Variants in RXRG observed in about 807,000 individuals in gnomAD.
The protein encoded by RXRG is retinoid X receptor gamma, also known as retinoic acid receptor RXR-gamma.
A neutral mutation model predicts 49.2 loss-of-function variants in RXRG; 19 were observed. The ratio of observed to expected loss-of-function variants is 0.39; its 90% CI spans 0.27 to 0.57. RXRG has a LOEUF of 0.57. Among genes scored for constraint, RXRG ranks in the 20% least tolerant of loss-of-function variants. The pLI, the probability that RXRG is intolerant of heterozygous loss-of-function variation, is 0.64. For missense variants in RXRG, 452 were observed against 592.5 expected (o/e 0.76, Z 2.46); for synonymous variants, 224 against 216.6 (o/e 1.03, Z -0.30).
rs2101723544 is a variant in RXRG at position 165,420,015 on chromosome 1, C to A, written c.298-1G>T. The A allele has an allele frequency of 6.3e-7, 1 of 1,590,678 alleles. No homozygotes were observed. The highest frequency in any genetic ancestry group is 8.6e-7 in the Non-Finnish European group (1 of 1,167,208). On this transcript the variant is annotated splice_acceptor_variant, in intron 2 of 9. Transcript: ENST00000359842. LOFTEE classifies it high-confidence loss of function. ...TGCTGACACTGTTGACCACATTTAG[C>A]TGCAAGAGAAAAAAATACTGTAAAG...
At chr1:165,410,335 C>A (rs746332) in intron 6 of RXRG, among the ~76,000 whole-genome samples, 37,056 of 152,086 alleles carry the variant, frequency 0.24, 6,456 homozygotes, top group African/African-American at 0.5. Context: ...CAGTGGAACC[C>A]GTCTAGTACA....
intron 3 of RXRG, 90 bp downstream of exon 3, chr1:165,419,780 T>C: frequency 8.2e-7 from 1 of 1,217,808 alleles, no homozygotes; most frequent in Non-Finnish European, 1.1e-6. Context: ...AAGGGCCATT[T>C]TCCTTTCATT....
At chr1:165,412,216 G>A (rs1213569243) in intron 4 of RXRG, among the ~76,000 whole-genome samples, 1 of 152,178 alleles carries the variant, frequency 6.6e-6, no homozygotes, top group Non-Finnish European at 1.5e-5. Context: ...GTCTCTCAAG[G>A]TAGGTCAGAG....
chr1:165,417,787 T>C (rs1658173098), intron 3 of RXRG, among the ~76,000 whole-genome samples: 1 of 152,156 alleles, frequency 6.6e-6, no homozygotes, highest in African/African-American at 2.4e-5. Context: ...ACAATCAAGC[T>C]ATGACATAAA....
intron 1 of RXRG, among the ~76,000 whole-genome samples, chr1:165,441,526 C>T (rs1571292875): frequency 6.6e-6 from 1 of 152,224 alleles, no homozygotes; most frequent in African/African-American, 2.4e-5. Flanking sequence ...TCCTCTGTTT[C>T]TTTGTCTCTA....
At position 165,409,587 on chromosome 1, in the gene RXRG, G is replaced by A. The variant is rs149401256; in HGVS notation, c.1017C>T (p.His339=). ...CAAAGATGGAGCCGACCCCAGCACTGTGGGCACTGCTCCGGTGGACATGTA... is the reference window on the plus strand; with the variant it reads ...CAAAGATGGAGCCGACCCCAGCACTATGGGCACTGCTCCGGTGGACATGTA... ...TGLHVHRSSA[H]SAGVGSIFDR... The change falls in exon 7 of 10, where the codon CAC becomes CAT. Residue 339 remains histidine, a synonymous_variant. Coordinates refer to ENST00000359842, the MANE Select transcript of RXRG (RefSeq NM_006917.5). 4.0e-5 allele frequency: 62 copies of A among 1,555,286 alleles called. No individual in the cohort carries two copies. The African/African-American group carries it at 7.2e-4, about 18-fold the overall frequency.
chr1:165,406,182 A>ATGGCCTCAGAGATCTGCTAGG (rs1657742854), intron 9 of RXRG, among the ~76,000 whole-genome samples: 1 of 80,216 alleles, frequency 1.2e-5, no homozygotes. Flanking sequence ...ATACTGCTAG[A>ATGGCCTCAGAGATCTGCTAGG]TGGCCTCAGA....
intron 9 of RXRG, among the ~76,000 whole-genome samples, chr1:165,404,471 A>G (rs1448963769): frequency 2.6e-5 from 4 of 152,256 alleles, no homozygotes; most frequent in Non-Finnish European, 5.9e-5. Flanking sequence ...TGTCAATCAC[A>G]GGGCGATGAC....
intron 1 of RXRG, among the ~76,000 whole-genome samples, chr1:165,430,982 T>C (rs1483182044): frequency 2.6e-5 from 4 of 152,214 alleles, no homozygotes; most frequent in Admixed American, 2.0e-4. Flanking sequence ...CTTTTTTTAT[T>C]TCCTAAAACT....
intron 1 of RXRG, among the ~76,000 whole-genome samples, chr1:165,431,731 A>G (rs978554536): frequency 3.3e-5 from 5 of 152,202 alleles, no homozygotes; most frequent in African/African-American, 1.2e-4. Flanking sequence ...GGGCACAGGC[A>G]AGAGCAAGAG....
At chr1:165,423,345 C>T (rs937027020) in intron 2 of RXRG, among the ~76,000 whole-genome samples, 1 of 152,218 alleles carries the variant, frequency 6.6e-6, no homozygotes, top group Non-Finnish European at 1.5e-5. Flanking sequence ...CAGCTGCTCC[C>T]TGAGAACAGG....
intron 1 of RXRG, among the ~76,000 whole-genome samples, chr1:165,441,701 AC>A (rs1464035936): frequency 2.0e-5 from 3 of 152,042 alleles, no homozygotes; most frequent in Admixed American, 2.0e-4. Context: ...TCTCCTTCTC[AC>A]CCTGAGGATT....
At position 165,428,855 on chromosome 1, in the gene RXRG, C is replaced by T. The variant is rs370579158; in HGVS notation, c.161G>A (p.Arg54Gln). The T allele has an allele frequency of 1.4e-5, 23 of 1,614,082 alleles. No homozygotes were observed. The highest frequency in any genetic ancestry group is 5.3e-5 in the African/African-American group (4 of 75,018). ...GGGGGTCCCCACTGCACTCAGAGTCCGTGGGGCACTCACTGGGGTATCTGT... is the reference window on the plus strand; with the variant it reads ...GGGGGTCCCCACTGCACTCAGAGTCTGTGGGGCACTCACTGGGGTATCTGT... The part of the protein sequence containing the change: ...SYTDTPVSAP[R>Q]TLSAVGTPLN... Residue 54 changes from arginine to glutamine, a missense_variant, in exon 2 of 10, where the codon CGG becomes CAG. Transcript: ENST00000359842.
chr1:165,413,216 G>C (rs950993052), intron 4 of RXRG, among the ~76,000 whole-genome samples: 1 of 152,102 alleles, frequency 6.6e-6, no homozygotes, highest in African/African-American at 2.4e-5. Context: ...CTGAGCTACT[G>C]TTACGACACA....
intron 2 of RXRG, among the ~76,000 whole-genome samples, chr1:165,421,618 C>T (rs1409372483): frequency 6.6e-6 from 1 of 151,370 alleles, no homozygotes; most frequent in East Asian, 1.9e-4. Flanking sequence ...CAAACTTCAC[C>T]TCCCTGGTTC....
chr1:165,440,407 A>C (rs1351365644), intron 1 of RXRG, among the ~76,000 whole-genome samples: 2 of 152,014 alleles, frequency 1.3e-5, no homozygotes, highest in Non-Finnish European at 2.9e-5. Context: ...AGTGTTTTGG[A>C]TTTAGGATTT....
chr1:165,427,575 T>C (rs1571281941), intron 2 of RXRG, among the ~76,000 whole-genome samples: 1 of 152,190 alleles, frequency 6.6e-6, no homozygotes, highest in Non-Finnish European at 1.5e-5. Flanking sequence ...CCTGAGTAGC[T>C]GGGATTACAG....
intron 9 of RXRG, among the ~76,000 whole-genome samples, chr1:165,404,525 C>T (rs576086486): frequency 4.6e-5 from 7 of 152,256 alleles, no homozygotes; most frequent in African/African-American, 1.7e-4. Context: ...ATTACAAAAC[C>T]ATTGAAAATG....
chr1:165,436,855 A>G (rs1658830030), intron 1 of RXRG: 1 of 983,874 alleles, frequency 1.0e-6, no homozygotes, highest in Non-Finnish European at 1.2e-6. Flanking sequence ...GGACAGCAAG[A>G]GTTTCAAGGT....
Sources: gnomAD v4.1 joint callset for allele counts (sites outside exome capture counted in the v4.1 genomes callset) on GRCh38, gnomAD v4.1.1 for gene constraint, MANE v1.5 for transcripts, NCBI Gene and HGNC (gene_info 2026-07-23, HGNC 2026-07-21) for gene names.